MND1: variants seen among roughly 807,000 people sequenced by gnomAD.
The protein encoded by MND1 is meiotic nuclear divisions 1.
A neutral mutation model predicts 35.1 loss-of-function variants in MND1; 28 were observed. The observed-to-expected ratio is 0.80, with a 90% CI of 0.59 to 1.09. MND1 has a LOEUF of 1.09. MND1 is among the 50% of genes least tolerant of loss of function. The pLI is 0.00. For synonymous variants in MND1, 69 were observed against 70.5 expected (o/e 0.98, Z 0.11); for missense variants, 213 against 239.6 (o/e 0.89, Z 0.73).
At chr4:153,379,149 G>T (rs1728593386) in intron 4 of MND1, among the ~76,000 whole-genome samples, 1 of 151,752 alleles carries the variant, frequency 6.6e-6, no homozygotes, top group African/African-American at 2.4e-5. Flanking sequence ...AATTAGCTGG[G>T]CGTGGTTGCA....
At chr4:153,409,037 A>G in intron 7 of MND1, 22 bp downstream of exon 7, 1 of 1,341,014 alleles carries the variant, frequency 7.5e-7, no homozygotes. Context: ...AATAATGCTG[A>G]TAAACTATAG....
At chr4:153,390,984 A>G (rs147867051) in intron 4 of MND1, among the ~76,000 whole-genome samples, 2,037 of 151,342 alleles carry the variant, frequency 0.013, 23 homozygotes, top group Non-Finnish European at 0.018. Flanking sequence ...TATAATTAGT[A>G]ACTTTTTGGA....
At chr4:153,390,030 C>CTT (rs33959069) in intron 4 of MND1, among the ~76,000 whole-genome samples, 57 of 143,672 alleles carry the variant, frequency 4.0e-4, no homozygotes, top group East Asian at 2.2e-3. Flanking sequence ...AGCCCTTTGG[C>CTT]TTTTTTTTTT....
chr4:153,386,078 A>C (rs925978073), intron 4 of MND1, among the ~76,000 whole-genome samples: 2 of 152,182 alleles, frequency 1.3e-5, no homozygotes, highest in Non-Finnish European at 2.9e-5. Context: ...GAGGCTGTAC[A>C]TATGTGGAAT....
intron 4 of MND1, among the ~76,000 whole-genome samples, chr4:153,368,931 TA>T (rs1165563791): frequency 6.6e-6 from 1 of 152,234 alleles, no homozygotes; most frequent in East Asian, 1.9e-4. Context: ...AAATAGACAT[TA>T]CTATCTCACA....
At chr4:153,405,247 G>T (rs182934806) in intron 6 of MND1, among the ~76,000 whole-genome samples, 1 of 152,156 alleles carries the variant, frequency 6.6e-6, no homozygotes, top group African/African-American at 2.4e-5. Context: ...CTACAAGGCT[G>T]CAGTTATCAA....
intron 6 of MND1, among the ~76,000 whole-genome samples, chr4:153,404,245 G>T (rs1729425768): frequency 7.5e-6 from 1 of 133,872 alleles, no homozygotes; most frequent in African/African-American, 2.9e-5. Context: ...GCAGTGGCGT[G>T]ATCTCAGCTC....
intron 1 of MND1, among the ~76,000 whole-genome samples, chr4:153,345,177 A>T (rs553070594): frequency 1.3e-4 from 20 of 152,326 alleles, no homozygotes; most frequent in Non-Finnish European, 2.2e-4. Flanking sequence ...CCCCATTAAG[A>T]ACGGGGAGAG....
chr4:153,349,198 A>C (rs117054461), intron 1 of MND1, among the ~76,000 whole-genome samples: 1 of 151,630 alleles, frequency 6.6e-6, no homozygotes, highest in African/African-American at 2.4e-5. Context: ...AATATATTGT[A>C]AAATTTATTA....
At chr4:153,372,959 C>A (rs966698237) in intron 4 of MND1, among the ~76,000 whole-genome samples, 1 of 150,004 alleles carries the variant, frequency 6.7e-6, no homozygotes, top group Non-Finnish European at 1.5e-5. Context: ...AGGTAATATT[C>A]TTTGTTCTGG....
intron 6 of MND1, among the ~76,000 whole-genome samples, chr4:153,408,521 T>C (rs960839385): frequency 1.3e-5 from 2 of 152,196 alleles, no homozygotes; most frequent in African/African-American, 4.8e-5. Flanking sequence ...TACTTTCTTA[T>C]CCCTAAAATT....
intron 4 of MND1, among the ~76,000 whole-genome samples, chr4:153,383,670 C>A (rs992180419): frequency 1.3e-5 from 2 of 152,176 alleles, no homozygotes; most frequent in Non-Finnish European, 2.9e-5. Context: ...TGTTGTGACT[C>A]CTGAAGCACT....
At position 153,393,924 on chromosome 4, in the gene MND1, CTTTTTTTTT is replaced by C. The variant is rs36028750; in HGVS notation, c.277-322_277-314del. Among the ~76,000 whole-genome samples the C allele has an allele frequency of 1.9e-3, 107 of 56,480 alleles. No individual in the cohort carries two copies. In the East Asian group the frequency reaches 0.024, roughly 12 times the overall value. 37.1% of individuals were successfully genotyped at this position (56,480 alleles called of 152,430 possible). On this transcript the variant is annotated intron_variant, in intron 4 of 7. Coordinates refer to ENST00000240488, the MANE Select transcript of MND1 (RefSeq NM_032117.4). Reference sequence around the variant, plus strand: ...CCAGTATAGTGTTTGACTTTGTTTTCTTTTTTTTTTTTTTTTTTTTTTTTGAGATGGGGT... The same window carrying C: ...CCAGTATAGTGTTTGACTTTGTTTTCTTTTTTTTTTTTTTTGAGATGGGGT...
At chr4:153,367,353 C>A (rs538099522) in intron 4 of MND1, among the ~76,000 whole-genome samples, 1 of 152,316 alleles carries the variant, frequency 6.6e-6, no homozygotes, top group African/African-American at 2.4e-5. Context: ...AATCTACTTT[C>A]TGTCACTGTA....
intron 4 of MND1, chr4:153,363,136 G>A (rs981896511): frequency 2.6e-6 from 1 of 384,692 alleles, no homozygotes; most frequent in Non-Finnish European, 3.6e-6. Context: ...TTCCTGGTGT[G>A]CATGTTAGAC....
intron 4 of MND1, among the ~76,000 whole-genome samples, chr4:153,362,067 A>G (rs977543291): frequency 2.0e-5 from 3 of 152,130 alleles, no homozygotes; most frequent in African/African-American, 7.2e-5. Context: ...CTAATCTGCT[A>G]CTTAGCTGTT....
chr4:153,361,883 T>C (rs1266988945), intron 4 of MND1, among the ~76,000 whole-genome samples: 1 of 152,138 alleles, frequency 6.6e-6, no homozygotes, highest in South Asian at 2.1e-4. Flanking sequence ...CTTAAGCTGT[T>C]TCCTGTTCCC....
At chr4:153,363,564 G>A (rs1773552313) in intron 4 of MND1, among the ~76,000 whole-genome samples, 1 of 152,174 alleles carries the variant, frequency 6.6e-6, no homozygotes, top group African/African-American at 2.4e-5. Flanking sequence ...TGTTTTTTGA[G>A]TAACAGAAGA....
At chr4:153,394,158 G>A (rs1579943838) in intron 4 of MND1, 104 bp from the exon 5 acceptor site, 8 of 905,260 alleles carry the variant, frequency 8.8e-6, no homozygotes, top group South Asian at 4.3e-5. Flanking sequence ...GGCCTGGGGC[G>A]AGTGCTGGGG....
Sources: gnomAD v4.1 joint callset for allele counts (sites outside exome capture counted in the v4.1 genomes callset) on GRCh38, gnomAD v4.1.1 for gene constraint, MANE v1.5 for transcripts, NCBI Gene and HGNC (gene_info 2026-07-23, HGNC 2026-07-21) for gene names.